AIFM3: variants seen among roughly 807,000 people sequenced by gnomAD.
The protein encoded by AIFM3 is apoptosis-inducing factor 3.
In AIFM3, 71 loss-of-function variants were observed where a neutral mutation model predicts 82.7. The observed-to-expected ratio is 0.86, with a 90% confidence interval of 0.71 to 1.05. The LOEUF (loss-of-function observed/expected upper bound fraction) is 1.05, where lower values mean the gene tolerates loss of function less well. AIFM3 is among the 50% of genes least tolerant of loss of function. AIFM3 has a pLI of 0.00. For synonymous variants in AIFM3, 337 were observed against 329.1 expected (o/e 1.02, Z -0.26); for missense variants, 748 against 816.7 (o/e 0.92, Z 1.03).
In AIFM3 at chr22:20,974,839, G is replaced by A. The variant is rs761551078; in HGVS notation, c.720+23G>A. The A allele has an allele frequency of 4.0e-5, 65 of 1,608,662 alleles. No individual in the cohort carries two copies. In the East Asian group the frequency reaches 1.4e-3, roughly 35 times the overall value. ...AAGGTACAGGGGGTGGGGCAAGTAG[G>A]GACCCTATCCCTCTGGGTCCCAGTT... On this transcript the variant is annotated intron_variant, in intron 8 of 20. Coordinates refer to ENST00000440238, the MANE Select transcript of AIFM3 (RefSeq NM_001386814.1).
At chr22:20,973,691 C>T in intron 3 of AIFM3, 67 bp from the exon 4 acceptor site, 1 of 1,453,634 alleles carries the variant, frequency 6.9e-7, no homozygotes, top group Non-Finnish European at 9.3e-7. Flanking sequence ...AGGCTGGACA[C>T]TGGGAGGAGC....
At chr22:20,966,641 CA>C (rs1164947657), upstream of AIFM3, 1 of 152,268 alleles carries the variant, frequency 6.6e-6, no homozygotes. Context: ...AGGTCATTTG[CA>C]AACAAGGCAG....
chr22:20,976,379 A>G, intron 10 of AIFM3, 29 bp from the exon 11 acceptor site: 1 of 1,613,750 alleles, frequency 6.2e-7, no homozygotes, highest in South Asian at 1.1e-5. Context: ...GGCTGCCAGG[A>G]GGCCCTCACT....
At chr22:20,979,543 C>A in intron 17 of AIFM3, 84 bp from the exon 18 acceptor site, 1 of 1,549,644 alleles carries the variant, frequency 6.5e-7, no homozygotes, top group Non-Finnish European at 8.9e-7. Context: ...GGAGCAGGGC[C>A]TGGGCGGGGT....
rs377621666 is a variant in AIFM3 at position 20,978,020 on chromosome 22, G to A, written c.1477+15G>A. The A allele has an allele frequency of 4.2e-4, 670 of 1,611,790 alleles. 5 individuals carry two copies. The South Asian group carries it at 6.4e-3, about 15-fold the overall frequency. On this transcript the variant is annotated intron_variant, in intron 16 of 20. Coordinates refer to ENST00000440238, the MANE Select transcript of AIFM3 (RefSeq NM_001386814.1). ...TCATGCTCAGGGTATGGCCAGTCCCGAGGCACATGGAGGGGTGGGAGGGAG... is the reference window on the plus strand; with the variant it reads ...TCATGCTCAGGGTATGGCCAGTCCCAAGGCACATGGAGGGGTGGGAGGGAG...
At chr22:20,973,216 C>A in intron 2 of AIFM3, 91 bp from the exon 3 acceptor site, 3 of 1,449,824 alleles carry the variant, frequency 2.1e-6, no homozygotes, top group South Asian at 2.6e-5. Context: ...AGCCTCCTGG[C>A]ACCCCGAGGA....
chr22:20,975,660 C>T, intron 8 of AIFM3, 32 bp from the exon 9 acceptor site: 1 of 1,609,460 alleles, frequency 6.2e-7, no homozygotes, highest in Admixed American at 1.7e-5. Context: ...CTGCTGTAAA[C>T]TGGCTCCTCT....
chr22:20,977,098 G>A lies in AIFM3; in HGVS notation c.1282+3G>A. On this transcript the variant is annotated splice_donor_region_variant and intron_variant, in intron 14 of 20. Coordinates refer to ENST00000440238, the MANE Select transcript of AIFM3 (RefSeq NM_001386814.1). ...TGACGTCTGCGTGGTGGGCATTGGT[G>A]AGTTGGTGTGTGGGCAGGCAGGCAC... 1 of 1,614,042 alleles carries A rather than the reference G, an allele frequency of 6.2e-7. No homozygotes were observed. The highest frequency in any genetic ancestry group is 8.5e-7 in the Non-Finnish European group (1 of 1,180,028).
chr22:20,967,776 G>A (rs1313188227), intron 1 of AIFM3, 29 bp from the exon 2 acceptor site: 5 of 675,332 alleles, frequency 7.4e-6, no homozygotes, highest in East Asian at 5.4e-5. Flanking sequence ...CACACGCCCC[G>A]GTCCTGATGG....
chr22:20,967,715 CTT>C (rs1303615729), intron 1 of AIFM3, 88 bp from the exon 2 acceptor site: 5 of 590,676 alleles, frequency 8.5e-6, no homozygotes, highest in Non-Finnish European at 1.5e-5. Flanking sequence ...ATGTAAGACT[CTT>C]TCCGAAGCTC....
In AIFM3 at chr22:20,974,074, C is replaced by G. The variant is rs370362252; in HGVS notation, c.367C>G (p.Arg123Gly). 6 of 1,609,208 alleles carry G rather than the reference C, an allele frequency of 3.7e-6. No individual in the cohort carries two copies. The highest frequency in any genetic ancestry group is 4.2e-6 in the Non-Finnish European group (5 of 1,179,144). The change falls in exon 5 of 21, where the codon CGT becomes GGT. Residue 123 changes from arginine (R) to glycine (G), a missense_variant. Arg to Gly is a moderately radical substitution (Grantham distance 125, BLOSUM62 -2). Around this residue, in one of 5 missense-constraint regions of AIFM3, gnomAD observed 148 missense variants for 134.1 expected, o/e 1.10. Coordinates refer to ENST00000440238, the MANE Select transcript of AIFM3 (RefSeq NM_001386814.1). ...CCTCCCCTTCCCAGGCGTTCTGTCCCGTGGTCGGGTGCGCTGCCCCTGGCA... is the reference window on the plus strand; with the variant it reads ...CCTCCCCTTCCCAGGCGTTCTGTCCGGTGGTCGGGTGCGCTGCCCCTGGCA... ...GAPLVKGVLS[R>G]GRVRCPWHGA...
Position 20,973,482 on chromosome 22 carries a change from G to T in AIFM3, c.207G>T (p.Glu69Asp). Residue 69 changes from glutamate (E) to aspartate (D), a missense_variant, in exon 3 of 21, where the codon GAG becomes GAT. Glu to Asp is a conservative substitution (Grantham distance 45, BLOSUM62 2). Coordinates refer to ENST00000440238, the MANE Select transcript of AIFM3 (RefSeq NM_001386814.1). Reference sequence around the variant, plus strand: ...ACCCCAGCCCTCAGGATTGCGTGGAGGCTGCTGTCTGCCACGTCAAGGACC... The same window carrying T: ...ACCCCAGCCCTCAGGATTGCGTGGATGCTGCTGTCTGCCACGTCAAGGACC... ...HPYPSPQDCV[E>D]AAVCHVKDLE... is the part of the protein sequence containing the mutation. 2 of 1,613,004 alleles carry T rather than the reference G, an allele frequency of 1.2e-6. No homozygotes were observed. The highest frequency in any genetic ancestry group is 2.2e-5 in the South Asian group (2 of 91,074).
chr22:20,967,559 CG>C (rs1922972276), intron 1 of AIFM3, among the ~76,000 whole-genome samples: 1 of 152,034 alleles, frequency 6.6e-6, no homozygotes, highest in African/African-American at 2.4e-5. Flanking sequence ...AAGGCAGCCG[CG>C]GGGCTGGACG....
intron 2 of AIFM3, among the ~76,000 whole-genome samples, chr22:20,968,783 G>A (rs1053461150): frequency 1.3e-5 from 2 of 152,004 alleles, no homozygotes; most frequent in Non-Finnish European, 2.9e-5. Context: ...CACTCAACCT[G>A]CCAGGCCACG....
intron 2 of AIFM3, among the ~76,000 whole-genome samples, chr22:20,971,966 T>TG (rs11090488): frequency 0.28 from 39,004 of 138,182 alleles, 5,347 homozygotes; most frequent in Middle Eastern, 0.31. Flanking sequence ...ATGGAGGCTG[T>TG]GGGGGGGGGG....
In AIFM3 at chr22:20,973,889, G is replaced by A. The variant is rs139566403; in HGVS notation, c.355+22G>A. ...AAAGGTGAGCTGTCAGGTGGGAGGCGTGAGGGGGACCTTCCAGGCCCCATG... is the reference window on the plus strand; with the variant it reads ...AAAGGTGAGCTGTCAGGTGGGAGGCATGAGGGGGACCTTCCAGGCCCCATG... On this transcript the variant is annotated intron_variant, in intron 4 of 20. Coordinates refer to ENST00000440238, the MANE Select transcript of AIFM3 (RefSeq NM_001386814.1). 8.7e-5 allele frequency: 131 copies of A among 1,504,730 alleles called. No homozygotes were observed. The African/African-American group carries it at 1.5e-3, about 18-fold the overall frequency. 93.2% of individuals were successfully genotyped at this position (1,504,730 alleles called of 1,614,324 possible). A position where few individuals can be genotyped will look rare whatever the true frequency, so the allele number is the denominator to read the frequency against.
chr22:20,979,531 ATG>A (rs1923942744), intron 17 of AIFM3, 94 bp from the exon 18 acceptor site: 7 of 1,513,640 alleles, frequency 4.6e-6, no homozygotes, highest in Non-Finnish European at 6.4e-6. Flanking sequence ...AAAAGGACGT[ATG>A]GAGCAGGGCC....
At chr22:20,979,122 A>G in intron 16 of AIFM3, 149 bp from the exon 17 acceptor site, 1 of 788,264 alleles carries the variant, frequency 1.3e-6, no homozygotes, top group Non-Finnish European at 2.2e-6. Flanking sequence ...GGTGCAAGTG[A>G]GCAGTGGGCT....
At position 20,976,414 on chromosome 22, in the gene AIFM3, G is replaced by T. The variant is rs1393956555; in HGVS notation, c.906G>T (p.Lys302Asn). The change falls in exon 11 of 21, where the codon AAG becomes AAT. Residue 302 changes from lysine (K) to asparagine (N), a missense_variant. Lys to Asn is a moderately conservative substitution (Grantham distance 94). Transcript: ENST00000440238. ...KLLLAPGSSP[K>N]TLSCKGKEVE... ...TGACACGGCCATGTCTCAGCCCCAA[G>T]ACTCTGAGCTGCAAAGGCAAAGAAG... is the stretch of plus-strand genomic sequence containing the variant. 6.8e-6 allele frequency: 11 copies of T among 1,613,986 alleles called. No individual in the cohort carries two copies. The highest frequency in any genetic ancestry group is 9.3e-6 in the Non-Finnish European group (11 of 1,180,018).
Sources: gnomAD v4.1 joint callset for allele counts (sites outside exome capture counted in the v4.1 genomes callset) on GRCh38, gnomAD v4.1.1 for gene constraint, gnomAD v4.1.1 regional missense constraint, MANE v1.5 for transcripts, NCBI Gene and HGNC (gene_info 2026-07-23, HGNC 2026-07-21) for gene names.